Variants in KIAA1328 observed in about 807,000 individuals in gnomAD.
KIAA1328 encodes protein hinderin.
A neutral mutation model predicts 68.1 loss-of-function variants in KIAA1328; 52 were observed. That is an observed-to-expected ratio of 0.76 (90% CI 0.61 to 0.96). The LOEUF (loss-of-function observed/expected upper bound fraction) is 0.96. Among genes scored for constraint, KIAA1328 ranks in the 40% least tolerant of loss-of-function variants. The probability of loss-of-function intolerance (pLI) is 0.00; values close to 1 mark genes in which losing one functional copy is unlikely to be tolerated. For synonymous variants in KIAA1328, 232 were observed against 239.4 expected (o/e 0.97, Z 0.28); for missense variants, 641 against 677.6 (o/e 0.95, Z 0.60).
At chr18:36,975,306 C>T (rs984316548) in intron 6 of KIAA1328, among the ~76,000 whole-genome samples, 2 of 151,242 alleles carry the variant, frequency 1.3e-5, no homozygotes, top group Non-Finnish European at 3.0e-5. Context: ...CCTCAGCCTC[C>T]CAAGTAGCTG....
At chr18:37,091,297 G>A (rs1452992482) in intron 7 of KIAA1328, among the ~76,000 whole-genome samples, 2 of 152,172 alleles carry the variant, frequency 1.3e-5, no homozygotes, top group African/African-American at 2.4e-5. Context: ...CACAGAAGGA[G>A]AGAGAAGCAA....
At chr18:36,871,495 A>G (rs774760439) in intron 4 of KIAA1328, among the ~76,000 whole-genome samples, 1 of 152,070 alleles carries the variant, frequency 6.6e-6, no homozygotes, top group Non-Finnish European at 1.5e-5. Flanking sequence ...ATATAGTTCT[A>G]TTGATTATAA....
At chr18:37,036,588 T>C (rs532989281) in intron 6 of KIAA1328, among the ~76,000 whole-genome samples, 31 of 152,328 alleles carry the variant, frequency 2.0e-4, no homozygotes, top group African/African-American at 7.0e-4. Context: ...CGCAGAAACA[T>C]GAAGACTGTT....
At chr18:36,889,059 T>C (rs1032953629) in intron 5 of KIAA1328, among the ~76,000 whole-genome samples, 5 of 152,306 alleles carry the variant, frequency 3.3e-5, no homozygotes, top group Admixed American at 2.0e-4. Flanking sequence ...AAAGATATTT[T>C]ATGTGTTTGC....
At chr18:37,165,447 C>G (rs1248449589) in intron 8 of KIAA1328, among the ~76,000 whole-genome samples, 4 of 151,658 alleles carry the variant, frequency 2.6e-5, no homozygotes, top group African/African-American at 9.7e-5. Flanking sequence ...GAGAAGCAGT[C>G]TTGCCCTTGT....
chr18:37,058,820 G>C (rs1258434855), intron 6 of KIAA1328, among the ~76,000 whole-genome samples: 1 of 152,112 alleles, frequency 6.6e-6, no homozygotes, highest in Non-Finnish European at 1.5e-5. Flanking sequence ...CTCCCCTAAA[G>C]GTCAGAATAG....
rs998417157 is a variant in KIAA1328 at position 36,885,534 on chromosome 18, A to G, written c.333-23A>G. 1.3e-5 allele frequency: 16 copies of G among 1,207,892 alleles called. No individual in the cohort carries two copies. In the South Asian group the frequency reaches 2.0e-4, roughly 15 times the overall value. The allele number at this position is 1,207,892 out of a possible 1,614,324, so 74.8% of individuals were successfully genotyped here. ...TTAATTTTATTCTGATAGATGTTAA[A>G]GGTTTTTTTTTTTTTATTTCAGAGT... On this transcript the variant is annotated intron_variant, in intron 4 of 9. Transcript: ENST00000280020.
chr18:36,975,613 A>G (rs1256584141), intron 6 of KIAA1328, among the ~76,000 whole-genome samples: 1 of 152,220 alleles, frequency 6.6e-6, no homozygotes, highest in African/African-American at 2.4e-5. Flanking sequence ...AAAATGTAAT[A>G]TTTGACTGTG....
At chr18:36,965,519 G>GGCACAT (rs201510113) in intron 6 of KIAA1328, among the ~76,000 whole-genome samples, 3 of 142,600 alleles carry the variant, frequency 2.1e-5, no homozygotes, top group Admixed American at 6.9e-5. Flanking sequence ...CAGGCGTGGT[G>GGCACAT]GCCACCACGC....
At chr18:36,977,981 G>C (rs1482687407) in intron 6 of KIAA1328, among the ~76,000 whole-genome samples, 1 of 151,884 alleles carries the variant, frequency 6.6e-6, no homozygotes, top group Non-Finnish European at 1.5e-5. Flanking sequence ...GTTGGGTTTT[G>C]CCATGTTGCC....
intron 7 of KIAA1328, among the ~76,000 whole-genome samples, chr18:37,129,542 G>A (rs919497587): frequency 2.0e-5 from 3 of 152,090 alleles, no homozygotes; most frequent in Non-Finnish European, 1.5e-5. Flanking sequence ...TTAATTTGTG[G>A]CATGATTCTG....
intron 4 of KIAA1328, among the ~76,000 whole-genome samples, chr18:36,849,038 T>G (rs1249945716): frequency 2.0e-5 from 3 of 151,886 alleles, no homozygotes; most frequent in Non-Finnish European, 4.4e-5. Context: ...AAAATTACAG[T>G]AAGATATACA....
intron 5 of KIAA1328, among the ~76,000 whole-genome samples, chr18:36,904,328 A>G (rs942905113): frequency 1.1e-4 from 16 of 152,078 alleles, no homozygotes; most frequent in African/African-American, 3.9e-4. Flanking sequence ...AAGGGGTATT[A>G]ATATCTCTGA....
intron 7 of KIAA1328, among the ~76,000 whole-genome samples, chr18:37,127,561 TATAAA>T (rs771259299): frequency 7.2e-5 from 11 of 151,906 alleles, no homozygotes; most frequent in Non-Finnish European, 1.2e-4. Context: ...ACAAAAATAA[TATAAA>T]ATAAAAATTT....
chr18:36,981,089 T>A (rs895740636), intron 6 of KIAA1328, among the ~76,000 whole-genome samples: 4 of 152,248 alleles, frequency 2.6e-5, no homozygotes, highest in African/African-American at 9.6e-5. Flanking sequence ...TATTTTAGAA[T>A]TCTTATTAGT....
intron 6 of KIAA1328, among the ~76,000 whole-genome samples, chr18:36,972,735 C>T (rs2052279483): frequency 6.6e-6 from 1 of 152,162 alleles, no homozygotes. Flanking sequence ...CTCTGGCAGC[C>T]AACCTGTCTC....
intron 6 of KIAA1328, among the ~76,000 whole-genome samples, chr18:37,033,203 A>G (rs1238027397): frequency 6.6e-6 from 1 of 152,138 alleles, no homozygotes; most frequent in African/African-American, 2.4e-5. Flanking sequence ...GAGCTTATTT[A>G]TAATAGGACT....
intron 7 of KIAA1328, among the ~76,000 whole-genome samples, chr18:37,077,068 T>G (rs1277604637): frequency 2.6e-5 from 4 of 151,716 alleles, no homozygotes; most frequent in African/African-American, 7.3e-5. Context: ...TGATGAACAT[T>G]GCTGCAAAAA....
At chr18:36,837,322 A>G (rs2046711655) in intron 3 of KIAA1328, among the ~76,000 whole-genome samples, 1 of 152,066 alleles carries the variant, frequency 6.6e-6, no homozygotes, top group African/African-American at 2.4e-5. Flanking sequence ...TGTGATTTTG[A>G]TTTGCATTTC....
Sources: allele counts gnomAD v4.1 joint callset (sites outside exome capture counted in the v4.1 genomes callset), GRCh38; gene constraint gnomAD v4.1.1; transcripts MANE v1.5; gene names NCBI Gene and HGNC (gene_info 2026-07-23, HGNC 2026-07-21).